The following CERT1 variants were observed in gnomAD, a reference collection of about 807,000 sequenced individuals.
The protein encoded by CERT1 is ceramide transfer protein.
A neutral mutation model predicts 87.9 loss-of-function variants in CERT1; 31 were observed. The ratio of observed to expected loss-of-function variants is 0.35; its 90% CI spans 0.27 to 0.48. The LOEUF (loss-of-function observed/expected upper bound fraction) is 0.48. CERT1 is among the 20% of genes least tolerant of loss of function. The pLI, the probability that CERT1 is intolerant of heterozygous loss-of-function variation, is 0.99. For missense variants in CERT1, 487 were observed against 758.0 expected (o/e 0.64, Z 4.20); for synonymous variants, 289 against 250.9 (o/e 1.15, Z -1.44).
chr5:75,385,339 G>T (rs901615903), intron 13 of CERT1, among the ~76,000 whole-genome samples: 2 of 152,148 alleles, frequency 1.3e-5, no homozygotes, highest in African/African-American at 4.8e-5. Context: ...TGGGCGTGAT[G>T]GTGTGCGCCT....
chr5:75,453,254 T>C (rs978946584), intron 3 of CERT1, among the ~76,000 whole-genome samples: 1 of 152,156 alleles, frequency 6.6e-6, no homozygotes, highest in Admixed American at 6.6e-5. Context: ...CCTTCAAATA[T>C]CACAAATTTC....
chr5:75,468,833 G>A (rs1765578093), intron 2 of CERT1, among the ~76,000 whole-genome samples: 1 of 152,150 alleles, frequency 6.6e-6, no homozygotes, highest in Non-Finnish European at 1.5e-5. Flanking sequence ...GCCAGATAAA[G>A]CCAGACTGCA....
intron 11 of CERT1, among the ~76,000 whole-genome samples, chr5:75,398,926 A>C (rs1762363004): frequency 6.6e-6 from 1 of 152,236 alleles, no homozygotes; most frequent in South Asian, 2.1e-4. Flanking sequence ...CTTTAGCTTA[A>C]AAGTGAGACT....
intron 2 of CERT1, among the ~76,000 whole-genome samples, chr5:75,486,472 T>C (rs769021234): frequency 6.6e-5 from 10 of 151,962 alleles, no homozygotes; most frequent in Non-Finnish European, 8.8e-5. Context: ...CTATTCAACA[T>C]AGGACTGAAA....
chr5:75,395,191 C>T (rs112609991), intron 11 of CERT1, among the ~76,000 whole-genome samples: 55 of 152,294 alleles, frequency 3.6e-4, no homozygotes, highest in African/African-American at 1.3e-3. Context: ...TGTTCTTCCC[C>T]TTTGATTTCT....
chr5:75,413,560 T>C (rs940107917), intron 7 of CERT1, among the ~76,000 whole-genome samples: 2 of 152,118 alleles, frequency 1.3e-5, no homozygotes, highest in Non-Finnish European at 1.5e-5. Flanking sequence ...AGTATACTAA[T>C]GGCTGTGTCT....
At chr5:75,428,297 G>A (rs545563527) in intron 3 of CERT1, among the ~76,000 whole-genome samples, 1 of 146,596 alleles carries the variant, frequency 6.8e-6, no homozygotes, top group Admixed American at 6.7e-5. Flanking sequence ...CTGGAATGGT[G>A]GCACCCAATC....
At chr5:75,406,524 C>T (rs1762711068) in intron 8 of CERT1, among the ~76,000 whole-genome samples, 1 of 151,982 alleles carries the variant, frequency 6.6e-6, no homozygotes, top group Admixed American at 6.6e-5. Context: ...TAGTGTAGTG[C>T]CCTACATTAT....
chr5:75,492,056 T>C (rs1461155956), intron 2 of CERT1, among the ~76,000 whole-genome samples: 4 of 152,110 alleles, frequency 2.6e-5, no homozygotes, highest in African/African-American at 4.8e-5. Context: ...AAAAATCTGA[T>C]AGTAATGGCC....
At chr5:75,444,691 C>T (rs1281069041) in intron 3 of CERT1, among the ~76,000 whole-genome samples, 1 of 151,606 alleles carries the variant, frequency 6.6e-6, no homozygotes, top group African/African-American at 2.4e-5. Flanking sequence ...GGACTACAGG[C>T]CCACGTGACC....
intron 2 of CERT1, among the ~76,000 whole-genome samples, chr5:75,489,961 G>T (rs1003768651): frequency 6.6e-6 from 1 of 152,166 alleles, no homozygotes; most frequent in African/African-American, 2.4e-5. Flanking sequence ...GCCCATCAAT[G>T]TTAGACTGGA....
chr5:75,434,411 G>A (rs1422629908), intron 3 of CERT1, among the ~76,000 whole-genome samples: 1 of 151,956 alleles, frequency 6.6e-6, no homozygotes, highest in Admixed American at 6.6e-5. Flanking sequence ...ATTTTGCTGA[G>A]GATTTTTGCA....
At chr5:75,437,559 A>C (rs1764146805) in intron 3 of CERT1, among the ~76,000 whole-genome samples, 1 of 152,160 alleles carries the variant, frequency 6.6e-6, no homozygotes, top group South Asian at 2.1e-4. Flanking sequence ...TGAGGTCAGG[A>C]GTTTGAGACC....
intron 3 of CERT1, among the ~76,000 whole-genome samples, chr5:75,457,254 T>C (rs74729988): frequency 0.026 from 3,986 of 152,268 alleles, 149 homozygotes; most frequent in African/African-American, 0.086. Flanking sequence ...ATGCCATAAA[T>C]GGGGAAATAC....
intron 17 of CERT1, chr5:75,371,608 C>G (rs1761087133): frequency 6.6e-6 from 1 of 152,264 alleles, no homozygotes; most frequent in Non-Finnish European, 1.5e-5. Flanking sequence ...CTGCAGTGAT[C>G]ATCCTCTACC....
At chr5:75,387,603 G>A (rs1055686974) in intron 12 of CERT1, among the ~76,000 whole-genome samples, 1 of 151,762 alleles carries the variant, frequency 6.6e-6, no homozygotes, top group Admixed American at 6.6e-5. Context: ...TTAACCCAGC[G>A]TAGTGGCGGG....
intron 11 of CERT1, among the ~76,000 whole-genome samples, chr5:75,393,983 A>G (rs1186787106): frequency 6.6e-6 from 1 of 152,030 alleles, no homozygotes; most frequent in Admixed American, 6.6e-5. Context: ...AAATACAACT[A>G]TGCTTACTAC....
At chr5:75,433,452 G>A (rs560610124) in intron 3 of CERT1, among the ~76,000 whole-genome samples, 1 of 152,190 alleles carries the variant, frequency 6.6e-6, no homozygotes, top group African/African-American at 2.4e-5. Flanking sequence ...TTCCTTTTGT[G>A]GTTACTGTGA....
At chr5:75,421,063 C>T (rs1486342259) in intron 5 of CERT1, among the ~76,000 whole-genome samples, 1 of 152,044 alleles carries the variant, frequency 6.6e-6, no homozygotes, top group Non-Finnish European at 1.5e-5. Flanking sequence ...CCCACCTCTG[C>T]CTCTCAAAAT....
Sources: gnomAD v4.1 joint callset for allele counts (sites outside exome capture counted in the v4.1 genomes callset) on GRCh38, gnomAD v4.1.1 for gene constraint, MANE v1.5 for transcripts, NCBI Gene and HGNC (gene_info 2026-07-23, HGNC 2026-07-21) for gene names.